Variants in MDFI observed in about 807,000 individuals in gnomAD.
The protein encoded by MDFI is inhibitor of MyoD family a.
A neutral mutation model predicts 22.3 loss-of-function variants in MDFI; 16 were observed. That is an observed-to-expected ratio of 0.72 (90% CI 0.49 to 1.09). The LOEUF (loss-of-function observed/expected upper bound fraction) is 1.09, where lower values mean the gene tolerates loss of function less well. Among genes scored for constraint, MDFI ranks in the 50% least tolerant of loss-of-function variants. The pLI, the probability that MDFI is intolerant of heterozygous loss-of-function variation, is 0.00. For missense variants in MDFI, 314 were observed against 326.1 expected, an observed-to-expected ratio of 0.96 and a Z score of 0.29; for synonymous variants, 145 against 142.7, an observed-to-expected ratio of 1.02 and a Z score of -0.12.
At chr6:41,638,355 C>T (rs1246526002), upstream of MDFI, 21 of 192,110 alleles carry the variant, frequency 1.1e-4, no homozygotes, top group African/African-American at 5.5e-4. This position sits in a 1 kb window ranked among gnomAD's most constrained non-coding sequence, Gnocchi z 7.6. Flanking sequence ...GGAGGGGACC[C>T]GCAGAGGGGC....
At chr6:41,646,020 A>C in intron 2 of MDFI, 106 bp from the exon 3 acceptor site, 1 of 1,050,656 alleles carries the variant, frequency 9.5e-7, no homozygotes, top group Non-Finnish European at 1.3e-6. Flanking sequence ...CAGACAGACA[A>C]AGAATGAGGG....
At chr6:41,640,333 G>A (rs1212871485) in intron 2 of MDFI, among the ~76,000 whole-genome samples, 1 of 152,006 alleles carries the variant, frequency 6.6e-6, no homozygotes, top group Non-Finnish European at 1.5e-5. Context: ...CCCCTTCCTT[G>A]TTGAAGCCAT....
intron 2 of MDFI, chr6:41,639,530 A>C (rs986182326): frequency 6.1e-6 from 6 of 985,288 alleles, no homozygotes; most frequent in Middle Eastern, 5.2e-4. Flanking sequence ...GGTTTGGAGT[A>C]GGGGCCTCGC....
chr6:41,639,482 G>A, intron 2 of MDFI: 1 of 985,432 alleles, frequency 1.0e-6, no homozygotes, highest in Admixed American at 6.1e-5. Flanking sequence ...TCCTGGGGGA[G>A]CCTCTCACGC....
intron 4 of MDFI, among the ~76,000 whole-genome samples, chr6:41,650,629 A>G (rs556782985): frequency 8.4e-4 from 118 of 139,908 alleles, no homozygotes; most frequent in African/African-American, 3.1e-3. Context: ...GCTGGAGCGC[A>G]GTGGCGCAAT....
Position 41,638,665 on chromosome 6 carries a change from G to A in MDFI, c.-12+13G>A. 7.1e-7 allele frequency: 1 copy of A among 1,409,468 alleles called. No homozygotes were observed. Among genetic ancestry groups the A allele is most frequent in the East Asian group, 2.5e-5 (1 of 40,034 alleles). 87.3% of individuals were successfully genotyped at this position (1,409,468 alleles called of 1,614,324 possible). Reference sequence around the variant, plus strand: ...ACGGCTCGCACGAGTGAGTGGACGTGGGAGGCGCGCATCTGCGGGGGAATC... The same window carrying A: ...ACGGCTCGCACGAGTGAGTGGACGTAGGAGGCGCGCATCTGCGGGGGAATC... On this transcript the variant is annotated intron_variant, in intron 1 of 4. Coordinates refer to ENST00000230321, the MANE Select transcript of MDFI (RefSeq NM_005586.4). This position sits in a 1 kb window ranked among gnomAD's most constrained non-coding sequence, Gnocchi z 7.6.
chr6:41,639,395 G>A, intron 2 of MDFI: 1 of 985,166 alleles, frequency 1.0e-6, no homozygotes, highest in Non-Finnish European at 1.2e-6. Context: ...GCACACACAC[G>A]CACCCCAACC....
chr6:41,648,905 C>T (rs915315510), intron 3 of MDFI, among the ~76,000 whole-genome samples: 2 of 152,234 alleles, frequency 1.3e-5, no homozygotes, highest in African/African-American at 4.8e-5. Flanking sequence ...CCTCAGCCTG[C>T]AATGGGGACC....
intron 2 of MDFI, chr6:41,639,136 G>C (rs959801942): frequency 1.4e-6 from 1 of 703,710 alleles, no homozygotes; most frequent in African/African-American, 1.9e-5. Flanking sequence ...CTGTCCGTCT[G>C]GGATTTGTGT....
intron 2 of MDFI, among the ~76,000 whole-genome samples, chr6:41,640,617 C>T (rs1581826550): frequency 6.6e-6 from 1 of 152,224 alleles, no homozygotes; most frequent in East Asian, 1.9e-4. Flanking sequence ...GACCAGAATC[C>T]CCCACGCTTT....
intron 3 of MDFI, among the ~76,000 whole-genome samples, chr6:41,648,512 G>C (rs1172530880): frequency 6.6e-6 from 1 of 152,122 alleles, no homozygotes; most frequent in African/African-American, 2.4e-5. Flanking sequence ...CCTCTCCTTG[G>C]GCTCCAGGGC....
intron 2 of MDFI, among the ~76,000 whole-genome samples, chr6:41,639,087 C>CAA (rs1341105639): frequency 7.2e-6 from 1 of 139,658 alleles, no homozygotes; most frequent in African/African-American, 3.2e-5. Context: ...GACACACACA[C>CAA]ACACACACAC....
In MDFI at chr6:41,638,594, C is replaced by A; in HGVS notation, c.-70C>A. On this transcript the variant is annotated 5_prime_UTR_variant, in exon 1 of 5. Coordinates refer to ENST00000230321, the MANE Select transcript of MDFI (RefSeq NM_005586.4). The surrounding 1 kb of genome is among the most constrained non-coding windows in gnomAD (Gnocchi z 7.6). ...TGGGCAGGGGCGCCCGGAGCAGGCG[C>A]GCATGGCGGGCCCCGCGCGGGGATC... 1.2e-6 allele frequency: 1 copy of A among 856,532 alleles called. No homozygotes were observed. Among genetic ancestry groups the A allele is most frequent in the Non-Finnish European group, 1.7e-6 (1 of 581,718 alleles). The allele number at this position is 856,532 out of a possible 1,614,324, so 53.1% of individuals were successfully genotyped here. A position where few individuals can be genotyped will look rare whatever the true frequency, so the allele number is the denominator to read the frequency against.
In MDFI at chr6:41,653,428, C is replaced by T; in HGVS notation, c.594C>T (p.Cys198=). The stretch of plus-strand genomic sequence containing the variant: ...GCTCCTGCAGCTCGGAGGACTCGTG[C>T]CTCTGCTGCTGCTGCTGTGGCTCTG... The part of the protein sequence containing the change: ...TCGSCSSEDS[C]LCCCCCGSGE... Residue 198 remains cysteine (C), a synonymous_variant, in exon 5 of 5, where the codon TGC becomes TGT. Transcript: ENST00000230321. This position sits in a 1 kb window ranked among gnomAD's most constrained non-coding sequence, Gnocchi z 4.2. 1 of 1,608,054 alleles carries T rather than the reference C, an allele frequency of 6.2e-7. No homozygotes were observed. Among genetic ancestry groups the T allele is most frequent in the Non-Finnish European group, 8.5e-7 (1 of 1,179,966 alleles).
chr6:41,641,358 G>A (rs1259187066), intron 2 of MDFI, among the ~76,000 whole-genome samples: 1 of 152,246 alleles, frequency 6.6e-6, no homozygotes, highest in African/African-American at 2.4e-5. Context: ...GTCAGAGAAA[G>A]CTGTCTAGAG....
intron 2 of MDFI, among the ~76,000 whole-genome samples, chr6:41,641,200 G>A (rs2268411): frequency 0.074 from 11,243 of 152,256 alleles, 473 homozygotes; most frequent in East Asian, 0.17. Flanking sequence ...GGCATTTGCC[G>A]AGTGCCCCCT....
At chr6:41,639,490 C>A (rs977014882) in intron 2 of MDFI, 1 of 985,332 alleles carries the variant, frequency 1.0e-6, no homozygotes, top group Non-Finnish European at 1.2e-6. Flanking sequence ...GAGCCTCTCA[C>A]GCCAAGTACG....
Position 41,649,426 on chromosome 6 carries a change from A to G in MDFI, c.260-193A>G, listed in dbSNP as rs192926411. On this transcript the variant is annotated intron_variant, in intron 3 of 4. Transcript: ENST00000230321. Reference sequence around the variant, plus strand: ...AACTGAGAGTCAGGAGCTAGGCCCAACTCAATTTCATGGCGTGGCTCTGGA... The same window carrying G: ...AACTGAGAGTCAGGAGCTAGGCCCAGCTCAATTTCATGGCGTGGCTCTGGA... 2.2e-3 allele frequency among the ~76,000 whole-genome samples: 339 copies of G among 152,244 alleles called. 7 individuals carry two copies. Among genetic ancestry groups the G allele is most frequent in the Admixed American group, 0.02 (304 of 15,308 alleles).
rs1423611257 is a variant in MDFI, at chr6:41,638,593, G to T, written c.-71G>T. 7 of 834,104 alleles carry T rather than the reference G, an allele frequency of 8.4e-6. No individual in the cohort carries two copies. The highest frequency in any genetic ancestry group is 8.9e-6 in the Non-Finnish European group (5 of 562,096). 51.7% of individuals were successfully genotyped at this position (834,104 alleles called of 1,614,324 possible). A position where few individuals can be genotyped will look rare whatever the true frequency, so the allele number is the denominator to read the frequency against. ...CTGGGCAGGGGCGCCCGGAGCAGGC[G>T]CGCATGGCGGGCCCCGCGCGGGGAT... On this transcript the variant is annotated 5_prime_UTR_variant, in exon 1 of 5. Transcript: ENST00000230321. The surrounding 1 kb of genome is among the most constrained non-coding windows in gnomAD (Gnocchi z 7.6).
Sources: allele counts gnomAD v4.1 joint callset (sites outside exome capture counted in the v4.1 genomes callset), GRCh38; gene constraint gnomAD v4.1.1; non-coding constraint Gnocchi (gnomAD v3.1); transcripts MANE v1.5; gene names NCBI Gene and HGNC (gene_info 2026-07-23, HGNC 2026-07-21).